The following ACSL6 variants were observed in gnomAD, a reference collection of about 807,000 sequenced individuals.
The protein encoded by ACSL6 is acyl-CoA synthetase long chain family member 6, also known as long-chain-fatty-acid--CoA ligase 6.
A neutral mutation model predicts 98.2 loss-of-function variants in ACSL6; 47 were observed. The ratio of observed to expected loss-of-function variants is 0.48; its 90% confidence interval spans 0.38 to 0.61. The LOEUF is 0.61. Ranked by LOEUF, ACSL6 falls within the 20% of genes least tolerant of loss-of-function variation. The pLI, the probability that ACSL6 is intolerant of heterozygous loss-of-function variation, is 0.00. For synonymous variants in ACSL6, 362 were observed against 336.9 expected, an observed-to-expected ratio of 1.07 and a Z score of -0.82; for missense variants, 761 against 913.4, an observed-to-expected ratio of 0.83 and a Z score of 2.15.
At chr5:131,993,234 A>G (rs1005779534) in intron 2 of ACSL6, 2 of 152,314 alleles carry the variant, frequency 1.3e-5, no homozygotes, top group East Asian at 3.8e-4. Context: ...TATGATCGCC[A>G]AGGTGCACTG....
At chr5:131,977,757 A>G (rs906092030) in intron 9 of ACSL6, among the ~76,000 whole-genome samples, 1 of 152,216 alleles carries the variant, frequency 6.6e-6, no homozygotes, top group Non-Finnish European at 1.5e-5. Context: ...ATGAGGCAAT[A>G]AAAGGGCTGA....
intron 12 of ACSL6, 147 bp downstream of exon 12, chr5:131,973,119 G>A: frequency 8.5e-7 from 1 of 1,176,736 alleles, no homozygotes; most frequent in Non-Finnish European, 1.2e-6. Flanking sequence ...AAGGAAGAAT[G>A]AGAAAGAGTC....
upstream of ACSL6, chr5:132,011,976 T>A: frequency 6.6e-7 from 1 of 1,520,998 alleles, no homozygotes; most frequent in Non-Finnish European, 8.8e-7. The surrounding 1 kb of genome is among the most constrained non-coding windows in gnomAD (Gnocchi z 5.4). Context: ...GAGCGTGACA[T>A]TGAGCCCACC....
intron 9 of ACSL6, chr5:131,984,010 A>G (rs1221555724): frequency 6.6e-6 from 1 of 152,250 alleles, no homozygotes; most frequent in African/African-American, 2.4e-5. Context: ...CTGCTCCCCA[A>G]AACCATGTCA....
intron 9 of ACSL6, chr5:131,983,185 T>C (rs1388859694): frequency 6.6e-6 from 1 of 152,216 alleles, no homozygotes; most frequent in Non-Finnish European, 1.5e-5. Context: ...ATATTATCTT[T>C]TTTTCAGAGG....
At chr5:131,996,999 G>C (rs1457039335) in intron 1 of ACSL6, among the ~76,000 whole-genome samples, 2 of 152,218 alleles carry the variant, frequency 1.3e-5, no homozygotes, top group Non-Finnish European at 2.9e-5. Context: ...GGAGTTGAAA[G>C]AGCACATGGG....
rs778524729 is a variant in ACSL6 at position 131,972,801 on chromosome 5, G to C, written c.1261C>G (p.Arg421Gly). ...KRWLLEFAAK[R>G]KQAEVRSGII... ...CCACTCCGGACCTCGGCTTGCTTACGCTTTGCTGCAAACTCCAGGAGCCAG... is the reference window on the plus strand; with the variant it reads ...CCACTCCGGACCTCGGCTTGCTTACCCTTTGCTGCAAACTCCAGGAGCCAG... Residue 421 changes from arginine to glycine, a missense_variant, in exon 13 of 21, where the codon CGT (arginine) becomes GGT (glycine). By Grantham distance (125) the Arg-to-Gly change is moderately radical. Coordinates refer to ENST00000651883, the MANE Select transcript of ACSL6 (RefSeq NM_001009185.3). 1 of 1,614,162 alleles carries C rather than the reference G, an allele frequency of 6.2e-7. No individual in the cohort carries two copies. The highest frequency in any genetic ancestry group is 8.5e-7 in the Non-Finnish European group (1 of 1,180,020).
chr5:132,009,655 G>A (rs567867650), intron 1 of ACSL6, among the ~76,000 whole-genome samples: 13 of 152,262 alleles, frequency 8.5e-5, no homozygotes, highest in East Asian at 7.7e-4. Context: ...CCTGCTTGAC[G>A]GTTCTGAGGC....
In ACSL6 at chr5:131,953,819, T is replaced by G. The variant is rs979726119; in HGVS notation, c.*415A>C. 5 of 195,844 alleles carry G rather than the reference T, an allele frequency of 2.6e-5. No individual in the cohort carries two copies. Among genetic ancestry groups the G allele is most frequent in the Admixed American group, 6.1e-5 (1 of 16,414 alleles). The allele number at this position is 195,844 out of a possible 1,614,324, so 12.1% of individuals were successfully genotyped here. A position where few individuals can be genotyped will look rare whatever the true frequency, so the allele number is the denominator to read the frequency against. ...ATTTAATTGTGATTTTGACAATCAG[T>G]TACTGAATGAGGTAGTCCACATTGC... is the stretch of plus-strand genomic sequence containing the variant. On this transcript the variant is annotated 3_prime_UTR_variant, in exon 21 of 21. Coordinates refer to ENST00000651883, the MANE Select transcript of ACSL6 (RefSeq NM_001009185.3).
intron 1 of ACSL6, among the ~76,000 whole-genome samples, chr5:131,996,884 CGA>C (rs1754819762): frequency 6.6e-6 from 1 of 152,128 alleles, no homozygotes; most frequent in Admixed American, 6.5e-5. Context: ...GACTTAGGTA[CGA>C]GAGAGTCAGG....
chr5:131,989,081 G>A (rs545679083), intron 5 of ACSL6, among the ~76,000 whole-genome samples, 177 bp from the exon 6 acceptor site: 1 of 152,310 alleles, frequency 6.6e-6, no homozygotes, highest in Admixed American at 6.5e-5. Flanking sequence ...CTGTACCAGA[G>A]AATTCTGTAA....
chr5:131,962,215 G>A (rs901231229), intron 18 of ACSL6, among the ~76,000 whole-genome samples: 1 of 151,852 alleles, frequency 6.6e-6, no homozygotes, highest in Non-Finnish European at 1.5e-5. Context: ...AATAATAATA[G>A]TAATAATAAT....
At chr5:131,978,552 G>A (rs776203027) in intron 9 of ACSL6, among the ~76,000 whole-genome samples, 1 of 152,146 alleles carries the variant, frequency 6.6e-6, no homozygotes, top group Non-Finnish European at 1.5e-5. Context: ...GCCCTCGCTC[G>A]GGAAAGGAAG....
intron 16 of ACSL6, 86 bp downstream of exon 16, chr5:131,967,854 A>C: frequency 8.0e-7 from 1 of 1,253,548 alleles, no homozygotes; most frequent in Non-Finnish European, 1.2e-6. Context: ...CACAAGGCAA[A>C]AGGAAAATCA....
rs552212998 is a variant in ACSL6, at chr5:131,959,653, C to G, written c.1960-46G>C. On this transcript the variant is annotated intron_variant, in intron 19 of 20. Transcript: ENST00000651883. ...AAAATTACAAGACAAGAACACATTT[C>G]AAAATGGAGGTAGAGGAAACAACAC... The G allele has an allele frequency of 6.0e-5, 94 of 1,574,584 alleles. No homozygotes were observed. The South Asian group carries it at 9.6e-4, about 16-fold the overall frequency.
chr5:132,011,613 C>G lies in ACSL6; in HGVS notation c.-60G>C. ...CCTCCCCGACCCGCAGCCCCGCAGC[C>G]CCGCAGCCCAGCAGCCCCAGCAGTA... On this transcript the variant is annotated 5_prime_UTR_variant, in exon 1 of 21. Coordinates refer to ENST00000651883, the MANE Select transcript of ACSL6 (RefSeq NM_001009185.3). The surrounding 1 kb of genome is among the most constrained non-coding windows in gnomAD (Gnocchi z 5.4). The G allele has an allele frequency of 2.9e-6, 4 of 1,391,816 alleles. No homozygotes were observed. The highest frequency in any genetic ancestry group is 3.7e-6 in the Non-Finnish European group (4 of 1,075,058). The allele number at this position is 1,391,816 out of a possible 1,614,324, so 86.2% of individuals were successfully genotyped here. A position where few individuals can be genotyped will look rare whatever the true frequency, so the allele number is the denominator to read the frequency against.
At chr5:131,975,604 T>A (rs926708250) in intron 10 of ACSL6, 29 of 912,432 alleles carry the variant, frequency 3.2e-5, no homozygotes, top group Non-Finnish European at 3.7e-5. Context: ...TCACAAGCCA[T>A]CCCTGGAACC....
chr5:131,985,411 C>A lies in ACSL6; in HGVS notation c.912G>T (p.Thr304=). Residue 304 remains threonine, a synonymous_variant, in exon 9 of 21, where the codon ACG becomes ACT. Coordinates refer to ENST00000651883, the MANE Select transcript of ACSL6 (RefSeq NM_001009185.3). ...GATCTGCGTGCCTCTGCTTACCTGT[C>A]GTGCCGCTTGTGAAACACACAATGG... is the stretch of plus-strand genomic sequence containing the variant. ...DLSIVCFTSG[T]TGNPKGAMLT... 1 of 1,614,024 alleles carries A rather than the reference C, an allele frequency of 6.2e-7. No individual in the cohort carries two copies. The highest frequency in any genetic ancestry group is 8.5e-7 in the Non-Finnish European group (1 of 1,180,014).
chr5:131,982,281 C>T (rs1753945207), intron 9 of ACSL6: 1 of 149,310 alleles, frequency 6.7e-6, no homozygotes. Flanking sequence ...GTAGCTGGGA[C>T]TACAGGCGCC....
Sources: allele counts gnomAD v4.1 joint callset (sites outside exome capture counted in the v4.1 genomes callset), GRCh38; gene constraint gnomAD v4.1.1; non-coding constraint Gnocchi (gnomAD v3.1); transcripts MANE v1.5; gene names NCBI Gene and HGNC (gene_info 2026-07-23, HGNC 2026-07-21).